RLF: variants seen among roughly 807,000 people sequenced by gnomAD.
RLF encodes the protein zinc finger protein Rlf.
A neutral mutation model predicts 162.9 loss-of-function variants in RLF; 7 were observed. The ratio of observed to expected loss-of-function variants is 0.04; its 90% CI spans 0.02 to 0.08. RLF has a LOEUF of 0.08. RLF is among the 10% of genes least tolerant of loss of function. RLF has a pLI of 1.00. For synonymous variants in RLF, 782 were observed against 791.5 expected, an observed-to-expected ratio of 0.99 and a Z score of 0.20; for missense variants, 1,664 against 2,244.7, an observed-to-expected ratio of 0.74 and a Z score of 5.23.
chr1:40,165,920 C>T (rs1344300527), intron 1 of RLF, among the ~76,000 whole-genome samples: 4 of 152,172 alleles, frequency 2.6e-5, no homozygotes, highest in Admixed American at 2.6e-4. Context: ...ACCACTGTGT[C>T]CATTTCTCAC....
chr1:40,172,802 G>A (rs1246268210), intron 1 of RLF, among the ~76,000 whole-genome samples: 1 of 152,070 alleles, frequency 6.6e-6, no homozygotes, highest in Non-Finnish European at 1.5e-5. Context: ...GGATGTTTAA[G>A]TTTTGATGGA....
chr1:40,212,520 A>G (rs1642876962), intron 5 of RLF, among the ~76,000 whole-genome samples: 1 of 152,202 alleles, frequency 6.6e-6, no homozygotes, highest in Non-Finnish European at 1.5e-5. Context: ...TGAAAGGGGA[A>G]GTCTTTGCAA....
At chr1:40,190,659 A>G (rs1189818916) in intron 2 of RLF, 113 bp from the exon 3 acceptor site, 4 of 678,034 alleles carry the variant, frequency 5.9e-6, no homozygotes, top group Non-Finnish European at 9.4e-6. Flanking sequence ...TTTGAAGAGT[A>G]AAAACATTTA....
intron 1 of RLF, among the ~76,000 whole-genome samples, chr1:40,184,939 AAAAAT>A (rs1242795577): frequency 6.6e-6 from 1 of 152,102 alleles, no homozygotes; most frequent in Non-Finnish European, 1.5e-5. Context: ...GTTCCTAAAG[AAAAAT>A]AAGAGACCGT....
At chr1:40,182,694 G>A (rs1444355275) in intron 1 of RLF, among the ~76,000 whole-genome samples, 1 of 151,914 alleles carries the variant, frequency 6.6e-6, no homozygotes, top group Non-Finnish European at 1.5e-5. Flanking sequence ...TGAGATTGAT[G>A]GACTGAATCC....
At chr1:40,227,956 T>G (rs761582113) in intron 6 of RLF, among the ~76,000 whole-genome samples, 2 of 151,472 alleles carry the variant, frequency 1.3e-5, no homozygotes, top group Non-Finnish European at 2.9e-5. Flanking sequence ...TAAGCCGATA[T>G]CGCACCACTG....
chr1:40,221,727 C>T (rs562540163), intron 5 of RLF, among the ~76,000 whole-genome samples: 2 of 151,644 alleles, frequency 1.3e-5, no homozygotes, highest in South Asian at 2.1e-4. Flanking sequence ...AGTGAAACCC[C>T]GTCTCTACTA....
Position 40,183,927 on chromosome 1 carries a change from T to C in RLF, c.238-5128T>C, listed in dbSNP as rs201760279. The stretch of plus-strand genomic sequence containing the variant: ...ATAATTATTTCATTAGGAAAGTTAA[T>C]CCTGAACTATGTGAAATTTAAATTG... On this transcript the variant is annotated intron_variant, in intron 1 of 7. Coordinates refer to ENST00000372771, the MANE Select transcript of RLF (RefSeq NM_012421.4). 3.3e-5 allele frequency among the ~76,000 whole-genome samples: 5 copies of C among 152,312 alleles called. No homozygotes were observed. In the East Asian group the frequency reaches 9.6e-4, roughly 29 times the overall value.
chr1:40,237,609 A>T lies in RLF; in HGVS notation c.2907A>T (p.Arg969Ser). 6.2e-7 allele frequency: 1 copy of T among 1,614,168 alleles called. No homozygotes were observed. The highest frequency in any genetic ancestry group is 1.1e-5 in the South Asian group (1 of 91,076). ...GTGGTTCCACATACAAAAATGCAAG[A>T]GGAATGCAGAAACATTTACGGAAGG... is the stretch of plus-strand genomic sequence containing the variant. ...DGCGSTYKNA[R>S]GMQKHLRKVH... The change falls in exon 8 of 8, where the codon AGA becomes AGT. Residue 969 changes from arginine (R) to serine (S), a missense_variant. Arg to Ser is a moderately radical substitution (Grantham distance 110). Transcript: ENST00000372771. This position sits in a 1 kb window ranked among gnomAD's most constrained non-coding sequence, Gnocchi z 4.4.
In RLF at chr1:40,164,205, G is replaced by C. The variant is rs150201895; in HGVS notation, c.237+2569G>C. Reference sequence around the variant, plus strand: ...TTATGGGATGCTTAATACTACAAATGTATTTTCATCAGTTATTTAGTTAGA... The same window carrying C: ...TTATGGGATGCTTAATACTACAAATCTATTTTCATCAGTTATTTAGTTAGA... On this transcript the variant is annotated intron_variant, in intron 1 of 7. Coordinates refer to ENST00000372771, the MANE Select transcript of RLF (RefSeq NM_012421.4). 4.9e-4 allele frequency among the ~76,000 whole-genome samples: 75 copies of C among 152,256 alleles called. 1 individual carries two copies. The East Asian group carries it at 0.013, about 27-fold the overall frequency.
intron 1 of RLF, among the ~76,000 whole-genome samples, chr1:40,162,492 A>G (rs1642106516): frequency 6.6e-6 from 1 of 152,196 alleles, no homozygotes; most frequent in South Asian, 2.1e-4. Context: ...TTGTTCTGTC[A>G]GGTTTCAGAG....
rs146559858 is a variant in RLF, at chr1:40,177,673, C to T, written c.238-11382C>T. ...TTATATCTAAGAAATCTGTCTAATC[C>T]GAGACCACAGAGATGTTCTGCTATT... is the stretch of plus-strand genomic sequence containing the variant. On this transcript the variant is annotated intron_variant, in intron 1 of 7. Transcript: ENST00000372771. 6.6e-5 allele frequency among the ~76,000 whole-genome samples: 10 copies of T among 151,500 alleles called. No individual in the cohort carries two copies. The East Asian group carries it at 1.5e-3, about 23-fold the overall frequency.
intron 3 of RLF, among the ~76,000 whole-genome samples, chr1:40,194,224 G>T (rs192245181): frequency 6.6e-6 from 1 of 151,988 alleles, no homozygotes; most frequent in Non-Finnish European, 1.5e-5. Flanking sequence ...TTTTTTAGAC[G>T]AATTTAAACA....
intron 1 of RLF, among the ~76,000 whole-genome samples, chr1:40,176,510 G>T (rs1354029554): frequency 6.6e-6 from 1 of 152,184 alleles, no homozygotes; most frequent in Non-Finnish European, 1.5e-5. Flanking sequence ...TGTGATCTTG[G>T]CTCACTGCAG....
At chr1:40,233,856 GAAAA>G (rs966490745) in intron 7 of RLF, among the ~76,000 whole-genome samples, 2 of 151,678 alleles carry the variant, frequency 1.3e-5, no homozygotes, top group Non-Finnish European at 2.9e-5. Flanking sequence ...TAGTTTTAAA[GAAAA>G]AAAAGTTGGA....
intron 1 of RLF, among the ~76,000 whole-genome samples, chr1:40,171,251 A>G (rs72670614): frequency 1.3e-5 from 2 of 152,070 alleles, no homozygotes; most frequent in Admixed American, 6.6e-5. Context: ...CTGGTCTTCA[A>G]CTTGAGGCCT....
chr1:40,188,688 G>T (rs1642518135), intron 1 of RLF, among the ~76,000 whole-genome samples: 1 of 151,748 alleles, frequency 6.6e-6, no homozygotes, highest in African/African-American at 2.4e-5. Context: ...ATCTCTTGTT[G>T]TAGAAGGCAG....
intron 5 of RLF, among the ~76,000 whole-genome samples, chr1:40,216,923 G>A (rs998490373): frequency 1.3e-5 from 2 of 151,840 alleles, no homozygotes; most frequent in Non-Finnish European, 2.9e-5. Context: ...GTGGTGACAC[G>A]CACCTGTAAT....
At chr1:40,225,021 T>C (rs1643049989) in intron 6 of RLF, among the ~76,000 whole-genome samples, 1 of 152,078 alleles carries the variant, frequency 6.6e-6, no homozygotes, top group Non-Finnish European at 1.5e-5. Flanking sequence ...GGAAAATTAA[T>C]CACAGGAATT....
Sources: gnomAD v4.1 joint callset for allele counts (sites outside exome capture counted in the v4.1 genomes callset) on GRCh38, gnomAD v4.1.1 for gene constraint, Gnocchi (gnomAD v3.1) non-coding constraint, MANE v1.5 for transcripts, NCBI Gene and HGNC (gene_info 2026-07-23, HGNC 2026-07-21) for gene names.